The following STAU2 variants were observed in gnomAD, a reference collection of about 807,000 sequenced individuals.
The protein encoded by STAU2 is staufen double-stranded RNA binding protein 2.
A neutral mutation model predicts 65.9 loss-of-function variants in STAU2; 20 were observed. The ratio of observed to expected loss-of-function variants is 0.30; its 90% CI spans 0.21 to 0.44. STAU2 has a LOEUF of 0.44. Among genes scored for constraint, STAU2 ranks in the 20% least tolerant of loss-of-function variants. The pLI is 1.00. For synonymous variants in STAU2, 232 were observed against 233.9 expected (o/e 0.99, Z 0.07); for missense variants, 558 against 683.9 (o/e 0.82, Z 2.05).
At position 73,632,861 on chromosome 8, in the gene STAU2, C is replaced by G. The variant is rs141915606; in HGVS notation, c.411-15410G>C. 6.8e-4 allele frequency among the ~76,000 whole-genome samples: 103 copies of G among 152,290 alleles called. 1 individual carries two copies. The highest frequency in any genetic ancestry group is 2.2e-3 in the African/African-American group (90 of 41,562). ...TCAAAATAAGTATATCCTGTTACTT[C>G]TCAAATTTAGAAAGGCCAGACTCCC... On this transcript the variant is annotated intron_variant, in intron 6 of 14. Coordinates refer to ENST00000524300, the MANE Select transcript of STAU2 (RefSeq NM_001164380.2).
intron 9 of STAU2, among the ~76,000 whole-genome samples, chr8:73,607,762 T>C (rs1812138312): frequency 6.6e-6 from 1 of 151,584 alleles, no homozygotes; most frequent in African/African-American, 2.4e-5. Context: ...AAGCAAAAAT[T>C]CTTGGAAACC....
intron 13 of STAU2, among the ~76,000 whole-genome samples, chr8:73,443,245 G>A (rs1818291175): frequency 1.3e-5 from 2 of 152,212 alleles, no homozygotes; most frequent in Admixed American, 1.3e-4. Context: ...TATGTGGAAA[G>A]GTTATGAATT....
intron 10 of STAU2, among the ~76,000 whole-genome samples, chr8:73,602,686 G>A (rs577711564): frequency 2.7e-5 from 4 of 147,102 alleles, no homozygotes; most frequent in Non-Finnish European, 3.0e-5. Context: ...TCATGCCACC[G>A]TACTCCAGCC....
At chr8:73,461,152 A>G (rs1453019772) in intron 13 of STAU2, among the ~76,000 whole-genome samples, 1 of 152,208 alleles carries the variant, frequency 6.6e-6, no homozygotes, top group Non-Finnish European at 1.5e-5. Flanking sequence ...TTACCCCTCT[A>G]AGTCTCAGTT....
At chr8:73,516,317 T>C (rs1302333939) in intron 13 of STAU2, among the ~76,000 whole-genome samples, 4 of 150,482 alleles carry the variant, frequency 2.7e-5, no homozygotes, top group African/African-American at 7.5e-5. Flanking sequence ...GTTTCATCTA[T>C]GGAGGGTAAC....
chr8:73,613,860 G>A lies in STAU2; in HGVS notation c.775C>T (p.Leu259Phe), dbSNP rs1219055904. Residue 259 changes from leucine to phenylalanine, a missense_variant, in exon 9 of 15, where the codon CTC (leucine) becomes TTC (phenylalanine). Physicochemically the swap from Leu to Phe is conservative, Grantham distance 22. Around this residue, in one of 3 missense-constraint regions of STAU2, gnomAD observed 199 missense variants for 299.5 expected, o/e 0.66. Transcript: ENST00000524300. ...SAEGEGNSKK[L>F]SKKRAATTVL... ...GTGGTCGCAGCGCGCTTCTTGGAGA[G>A]TTTTTTGCTATTTCCTTCTCCTTCT... 2 of 1,613,672 alleles carry A rather than the reference G, an allele frequency of 1.2e-6. No individual in the cohort carries two copies. Among genetic ancestry groups the A allele is most frequent in the Non-Finnish European group, 1.7e-6 (2 of 1,179,856 alleles).
At chr8:73,724,301 C>T (rs1805468201) in intron 3 of STAU2, among the ~76,000 whole-genome samples, 1 of 152,144 alleles carries the variant, frequency 6.6e-6, no homozygotes, top group Admixed American at 6.5e-5. Context: ...TGTTACACCA[C>T]ATGGACCAGA....
At chr8:73,674,584 A>G (rs1817907578) in intron 5 of STAU2, among the ~76,000 whole-genome samples, 1 of 151,740 alleles carries the variant, frequency 6.6e-6, no homozygotes, top group South Asian at 2.1e-4. Flanking sequence ...TAGTCAAATA[A>G]CCACATATTC....
chr8:73,563,820 A>G (rs1033401825), intron 12 of STAU2, among the ~76,000 whole-genome samples: 1 of 152,168 alleles, frequency 6.6e-6, no homozygotes, highest in African/African-American at 2.4e-5. Flanking sequence ...TAAAAAGTTT[A>G]ATAAAAAAGA....
intron 13 of STAU2, among the ~76,000 whole-genome samples, chr8:73,500,185 T>C (rs1346792832): frequency 3.3e-5 from 5 of 151,956 alleles, no homozygotes; most frequent in Non-Finnish European, 7.4e-5. Context: ...GGAACCCACA[T>C]GGATACCCAA....
At position 73,536,309 on chromosome 8, in the gene STAU2, C is replaced by G. The variant is rs182440171; in HGVS notation, c.1530+15703G>C. Among the ~76,000 whole-genome samples, 3 of 152,182 alleles carry G rather than the reference C, an allele frequency of 2.0e-5. 1 individual carries two copies. Among genetic ancestry groups the G allele is most frequent in the African/African-American group, 7.2e-5 (3 of 41,520 alleles). On this transcript the variant is annotated intron_variant, in intron 13 of 14. Coordinates refer to ENST00000524300, the MANE Select transcript of STAU2 (RefSeq NM_001164380.2). ...ATCCTTGGCTGGGTACCAGAAAAGC[C>G]AGCAACTTGAGAATGCCAATGGGTA...
intron 6 of STAU2, among the ~76,000 whole-genome samples, chr8:73,624,962 C>A (rs1813529842): frequency 1.3e-5 from 2 of 152,276 alleles, no homozygotes; most frequent in South Asian, 4.1e-4. Context: ...TCTTAACCCA[C>A]CCATCTGGAG....
chr8:73,632,428 C>A (rs1350047887), intron 6 of STAU2, among the ~76,000 whole-genome samples: 1 of 152,070 alleles, frequency 6.6e-6, no homozygotes, highest in African/African-American at 2.4e-5. Flanking sequence ...AAATCTGAGA[C>A]CCACATGGGA....
At chr8:73,575,817 C>G (rs1250081611) in intron 12 of STAU2, among the ~76,000 whole-genome samples, 1 of 13,792 alleles carries the variant, frequency 7.3e-5, no homozygotes, top group Non-Finnish European at 1.1e-4. Flanking sequence ...GGACAATACA[C>G]ACACAAAAAA....
chr8:73,708,668 C>A (rs544122961), intron 4 of STAU2, among the ~76,000 whole-genome samples: 6 of 152,192 alleles, frequency 3.9e-5, no homozygotes, highest in Middle Eastern at 6.8e-3. Context: ...TAATGGAAAG[C>A]ACACCATATT....
chr8:73,481,338 G>A (rs536460637), intron 13 of STAU2, among the ~76,000 whole-genome samples: 4 of 151,838 alleles, frequency 2.6e-5, no homozygotes, highest in Non-Finnish European at 5.9e-5. Flanking sequence ...TAGATGGAGG[G>A]CTGGGAGAAA....
intron 9 of STAU2, among the ~76,000 whole-genome samples, chr8:73,613,230 G>A (rs933828256): frequency 6.6e-6 from 1 of 152,276 alleles, no homozygotes; most frequent in South Asian, 2.1e-4. Flanking sequence ...ATCATTGTTA[G>A]TATTAGTCAC....
chr8:73,473,699 C>T (rs1288372224), intron 13 of STAU2, among the ~76,000 whole-genome samples: 2 of 152,166 alleles, frequency 1.3e-5, no homozygotes, highest in Non-Finnish European at 2.9e-5. Flanking sequence ...CATGACAAGC[C>T]ACTGCCTAGT....
intron 6 of STAU2, chr8:73,651,387 G>T: frequency 3.0e-6 from 2 of 669,784 alleles, no homozygotes; most frequent in South Asian, 3.0e-5. Context: ...AGGCTGGCCA[G>T]GGAAATGCAG....
Sources: allele counts gnomAD v4.1 joint callset (sites outside exome capture counted in the v4.1 genomes callset), GRCh38; gene constraint gnomAD v4.1.1; regional missense constraint gnomAD v4.1.1; transcripts MANE v1.5; gene names NCBI Gene and HGNC (gene_info 2026-07-23, HGNC 2026-07-21).